Variants in MAK observed in about 807,000 individuals in gnomAD.
The protein encoded by MAK is serine/threonine-protein kinase MAK.
In MAK, 65 loss-of-function variants were observed where a neutral mutation model predicts 82.6. That is an observed-to-expected ratio of 0.79 (90% CI 0.64 to 0.97). The LOEUF is 0.97. Among genes scored for constraint, MAK ranks in the 50% least tolerant of loss-of-function variants. MAK has a pLI of 0.00. For synonymous variants in MAK, 250 were observed against 274.2 expected, an observed-to-expected ratio of 0.91 and a Z score of 0.87; for missense variants, 703 against 780.2, an observed-to-expected ratio of 0.90 and a Z score of 1.18.
intron 12 of MAK, among the ~76,000 whole-genome samples, chr6:10,774,627 T>C (rs1415813943): frequency 6.6e-6 from 1 of 152,234 alleles, no homozygotes; most frequent in Non-Finnish European, 1.5e-5. Context: ...AAAAAAACTT[T>C]TTAAATTACC....
At chr6:10,813,303 C>G (rs142023463) in intron 5 of MAK, among the ~76,000 whole-genome samples, 3,199 of 146,240 alleles carry the variant, frequency 0.022, 57 homozygotes, top group Non-Finnish European at 0.036. Context: ...CGCCCGCCAC[C>G]ACGCCCAGCT....
intron 1 of MAK, among the ~76,000 whole-genome samples, chr6:10,835,971 T>C (rs1044567089): frequency 1.3e-5 from 2 of 152,248 alleles, no homozygotes; most frequent in African/African-American, 4.8e-5. Flanking sequence ...ATTCAGTCAC[T>C]GATGACTTTC....
intron 2 of MAK, chr6:10,826,539 C>T (rs756696671): frequency 5.3e-5 from 8 of 152,156 alleles, no homozygotes; most frequent in Non-Finnish European, 1.2e-4. Context: ...TCTTCTCATT[C>T]ATTTTTGCTC....
intron 13 of MAK, among the ~76,000 whole-genome samples, chr6:10,770,500 T>A (rs1039339482): frequency 6.6e-6 from 1 of 152,126 alleles, no homozygotes; most frequent in Admixed American, 6.5e-5. Flanking sequence ...GGGTCTGAAC[T>A]CAAGGCCCAG....
At chr6:10,781,784 T>C (rs901477410) in intron 11 of MAK, among the ~76,000 whole-genome samples, 6 of 152,188 alleles carry the variant, frequency 3.9e-5, no homozygotes. Context: ...CAATAAGATA[T>C]GTATACATTT....
At position 10,788,568 on chromosome 6, in the gene MAK, T is replaced by C. The variant is rs1581681925; in HGVS notation, c.1316+3107A>G. 2.6e-5 allele frequency among the ~76,000 whole-genome samples: 4 copies of C among 152,050 alleles called. No individual in the cohort carries two copies. The East Asian group carries it at 7.8e-4, about 30-fold the overall frequency. On this transcript the variant is annotated intron_variant, in intron 10 of 14. Coordinates refer to ENST00000354489, the MANE Select transcript of MAK (RefSeq NM_001242957.3). ...CCAACATGGTGAAACACTGTCTCTA[T>C]TAAAAATACAAAAAATTAGCCAGGC...
intron 6 of MAK, among the ~76,000 whole-genome samples, chr6:10,805,577 A>C (rs1157620653): frequency 6.6e-6 from 1 of 151,952 alleles, no homozygotes; most frequent in Non-Finnish European, 1.5e-5. Flanking sequence ...ACAGGAAAAA[A>C]AAAAAAAAAA....
At chr6:10,827,473 G>A (rs749895154) in intron 2 of MAK, among the ~76,000 whole-genome samples, 3 of 152,158 alleles carry the variant, frequency 2.0e-5, no homozygotes, top group Non-Finnish European at 4.4e-5. Context: ...TCTTATAGCA[G>A]TAGTAAGTAT....
intron 12 of MAK, among the ~76,000 whole-genome samples, chr6:10,774,214 T>G (rs1405795483): frequency 6.6e-6 from 1 of 151,106 alleles, no homozygotes; most frequent in Non-Finnish European, 1.5e-5. Context: ...CTTTTTTTAA[T>G]TTCTTGTAAC....
intron 3 of MAK, 40 bp downstream of exon 3, chr6:10,818,846 T>A (rs1399698593): frequency 2.7e-6 from 3 of 1,115,144 alleles, no homozygotes; most frequent in Non-Finnish European, 4.1e-6. Context: ...TCAGGTAGTG[T>A]TAAGGCCTTC....
intron 2 of MAK, chr6:10,829,232 G>GC: frequency 6.6e-6 from 1 of 152,154 alleles, no homozygotes; most frequent in Non-Finnish European, 1.5e-5. Flanking sequence ...ATTTTGTTAT[G>GC]CAGCAATAGA....
At chr6:10,779,506 A>G in intron 11 of MAK, 3 of 984,542 alleles carry the variant, frequency 3.0e-6, no homozygotes, top group Non-Finnish European at 3.6e-6. Context: ...CCCTGCAATT[A>G]TATGGTACAT....
At chr6:10,779,129 A>G (rs376703050) in intron 11 of MAK, among the ~76,000 whole-genome samples, 2,544 of 139,674 alleles carry the variant, frequency 0.018, 32 homozygotes, top group African/African-American at 0.07. Context: ...CTTCGTCTCA[A>G]AAAAAAAAAA....
At chr6:10,838,469 C>T (rs1779309154) in intron 1 of MAK, 34 bp downstream of exon 1, 1 of 152,342 alleles carries the variant, frequency 6.6e-6, no homozygotes, top group Admixed American at 6.5e-5. Context: ...CCCTGCAGCC[C>T]GCTGGGGATT....
chr6:10,764,750 T>G, intron 14 of MAK, 144 bp from the exon 15 acceptor site: 1 of 854,478 alleles, frequency 1.2e-6, no homozygotes, highest in Non-Finnish European at 1.9e-6. Context: ...GCTTTTTAAA[T>G]GTTAAAACCA....
chr6:10,813,867 G>T, intron 4 of MAK, 144 bp from the exon 5 acceptor site: 1 of 685,060 alleles, frequency 1.5e-6, no homozygotes, highest in Non-Finnish European at 2.7e-6. Context: ...TACTCTTAAA[G>T]CTCACACATT....
chr6:10,830,766 T>C lies in MAK; in HGVS notation c.-118A>G, dbSNP rs1778757357. On this transcript the variant is annotated 5_prime_UTR_variant, in exon 2 of 15. Coordinates refer to ENST00000354489, the MANE Select transcript of MAK (RefSeq NM_001242957.3). ...CCTCACACTGTTGTTGCTACACTGG[T>C]GACAGGTTTGTCATCATTAAATATA... 3.8e-6 allele frequency: 3 copies of C among 780,070 alleles called. No homozygotes were observed. The highest frequency in any genetic ancestry group is 6.8e-6 in the Non-Finnish European group (3 of 444,086). 48.3% of individuals were successfully genotyped at this position (780,070 alleles called of 1,614,324 possible). A position where few individuals can be genotyped will look rare whatever the true frequency, so the allele number is the denominator to read the frequency against.
chr6:10,814,409 C>T (rs1403888296), intron 4 of MAK, among the ~76,000 whole-genome samples: 5 of 151,812 alleles, frequency 3.3e-5, no homozygotes, highest in Admixed American at 2.0e-4. Flanking sequence ...TGGCTAATGC[C>T]TATAATACCA....
At chr6:10,798,272 G>A (rs953768536) in intron 8 of MAK, among the ~76,000 whole-genome samples, 2 of 151,848 alleles carry the variant, frequency 1.3e-5, no homozygotes, top group East Asian at 1.9e-4. Context: ...ACGCCACCAT[G>A]CCCAGCTAAT....
Sources: allele counts gnomAD v4.1 joint callset (sites outside exome capture counted in the v4.1 genomes callset), GRCh38; gene constraint gnomAD v4.1.1; transcripts MANE v1.5; gene names NCBI Gene and HGNC (gene_info 2026-07-23, HGNC 2026-07-21).